SLC10A7: variants seen among roughly 807,000 people sequenced by gnomAD.
SLC10A7 encodes sodium/bile acid cotransporter 7.
A neutral mutation model predicts 43.2 loss-of-function variants in SLC10A7; 29 were observed. That is an observed-to-expected ratio of 0.67 (90% CI 0.50 to 0.92). The LOEUF is 0.92. SLC10A7 is among the 40% of genes least tolerant of loss of function. The probability of loss-of-function intolerance (pLI) is 0.00; values close to 1 mark genes in which losing one functional copy is unlikely to be tolerated. For synonymous variants in SLC10A7, 152 were observed against 144.8 expected (o/e 1.05, Z -0.35); for missense variants, 295 against 403.2 (o/e 0.73, Z 2.30).
At chr4:146,453,501 C>T (rs1422454677) in intron 4 of SLC10A7, among the ~76,000 whole-genome samples, 10 of 151,844 alleles carry the variant, frequency 6.6e-5, no homozygotes, top group African/African-American at 2.4e-4. Context: ...TATTGCACAA[C>T]GTTTATTTGA....
chr4:146,463,999 A>T (rs1314828410), intron 4 of SLC10A7, among the ~76,000 whole-genome samples: 6 of 151,216 alleles, frequency 4.0e-5, no homozygotes, highest in Admixed American at 2.0e-4. Context: ...ATTTTTTTTT[A>T]TACTTTTGAG....
intron 5 of SLC10A7, among the ~76,000 whole-genome samples, chr4:146,346,944 C>G (rs1383742184): frequency 1.3e-5 from 2 of 152,076 alleles, no homozygotes; most frequent in Non-Finnish European, 2.9e-5. Context: ...TAAAGGTGGC[C>G]TGGTCTCTAT....
intron 5 of SLC10A7, 113 bp from the exon 6 acceptor site, chr4:146,326,109 T>G: frequency 1.2e-6 from 1 of 818,508 alleles, no homozygotes; most frequent in Non-Finnish European, 1.9e-6. Context: ...TGCTGTTTAA[T>G]AAAATCTAGG....
At chr4:146,429,885 C>A in intron 5 of SLC10A7, among the ~76,000 whole-genome samples, 1 of 151,634 alleles carries the variant, frequency 6.6e-6, no homozygotes, top group East Asian at 1.9e-4. Context: ...AAAAAAAATC[C>A]ATAAAGGAAA....
intron 6 of SLC10A7, among the ~76,000 whole-genome samples, chr4:146,319,735 G>C (rs892396350): frequency 2.0e-5 from 3 of 152,060 alleles, no homozygotes; most frequent in Admixed American, 6.6e-5. Flanking sequence ...GGTAGGATAA[G>C]GTGAGGTTTA....
intron 3 of SLC10A7, among the ~76,000 whole-genome samples, chr4:146,506,926 A>G (rs1434474431): frequency 6.6e-6 from 1 of 152,166 alleles, no homozygotes; most frequent in Non-Finnish European, 1.5e-5. Context: ...TATTGTATTT[A>G]TATATTTGTT....
intron 4 of SLC10A7, among the ~76,000 whole-genome samples, chr4:146,464,422 C>T (rs1185429663): frequency 1.3e-5 from 2 of 151,922 alleles, no homozygotes; most frequent in Non-Finnish European, 2.9e-5. Flanking sequence ...TTCTATATTG[C>T]TCACTAGGAA....
chr4:146,399,383 C>G (rs1383102622), intron 5 of SLC10A7, among the ~76,000 whole-genome samples: 1 of 151,790 alleles, frequency 6.6e-6, no homozygotes, highest in Non-Finnish European at 1.5e-5. Flanking sequence ...GTTTTTAACA[C>G]CAAGAAAGAG....
intron 4 of SLC10A7, among the ~76,000 whole-genome samples, chr4:146,497,930 T>C (rs936949300): frequency 1.3e-5 from 2 of 151,690 alleles, no homozygotes; most frequent in Non-Finnish European, 2.9e-5. Flanking sequence ...AAAAAAAAAA[T>C]CAAAAAAATT....
chr4:146,387,044 C>T (rs1318759556), intron 5 of SLC10A7, among the ~76,000 whole-genome samples: 1 of 152,198 alleles, frequency 6.6e-6, no homozygotes, highest in African/African-American at 2.4e-5. Flanking sequence ...CTTTTAGCAA[C>T]TTTCTTTGTA....
chr4:146,254,650 T>C lies in SLC10A7; in HGVS notation c.*1841A>G, dbSNP rs1298651901. The C allele has an allele frequency of 6.6e-6, 1 of 152,148 alleles. No individual in the cohort carries two copies. The highest frequency in any genetic ancestry group is 1.9e-4 in the East Asian group (1 of 5,196). The allele number at this position is 152,148 out of a possible 1,614,324, so 9.4% of individuals were successfully genotyped here. On this transcript the variant is annotated 3_prime_UTR_variant, in exon 12 of 12. Transcript: ENST00000335472. The stretch of plus-strand genomic sequence containing the variant: ...GTGTTAGACAATAGAGGTAGATAAG[T>C]TGGGGGCGGGGATCAGTATTTTAAT...
intron 7 of SLC10A7, 98 bp downstream of exon 7, chr4:146,305,828 C>T (rs1040835172): frequency 1.2e-4 from 125 of 1,010,828 alleles, no homozygotes; most frequent in Non-Finnish European, 1.7e-4. Context: ...CATTTATCTC[C>T]TCCCTCTGAA....
chr4:146,309,177 T>C (rs1731788101), intron 6 of SLC10A7, among the ~76,000 whole-genome samples: 2 of 152,110 alleles, frequency 1.3e-5, no homozygotes, highest in Middle Eastern at 3.2e-3. Context: ...TTCCAACACA[T>C]CCTCCAAAAA....
intron 5 of SLC10A7, among the ~76,000 whole-genome samples, chr4:146,374,599 TAC>T (rs1449514108): frequency 7.0e-6 from 1 of 141,928 alleles, no homozygotes; most frequent in African/African-American, 2.7e-5. Flanking sequence ...AAAAAATATA[TAC>T]ATATATATAT....
chr4:146,442,942 CAA>C, intron 4 of SLC10A7, 121 bp from the exon 5 acceptor site: 1 of 706,298 alleles, frequency 1.4e-6, no homozygotes, highest in East Asian at 3.0e-5. Context: ...CTCTATAAAG[CAA>C]AGTTAGTCAC....
chr4:146,502,911 A>G (rs1736552278), intron 4 of SLC10A7, among the ~76,000 whole-genome samples: 1 of 151,662 alleles, frequency 6.6e-6, no homozygotes, highest in Non-Finnish European at 1.5e-5. Context: ...GACTCAGGAA[A>G]CTCTTTGAGG....
chr4:146,486,893 T>C (rs1317231259), intron 4 of SLC10A7, among the ~76,000 whole-genome samples: 1 of 152,198 alleles, frequency 6.6e-6, no homozygotes, highest in Non-Finnish European at 1.5e-5. Flanking sequence ...CAGTATTTGG[T>C]TATTCCATTT....
At chr4:146,506,591 T>A (rs1446977037) in intron 3 of SLC10A7, among the ~76,000 whole-genome samples, 1 of 152,112 alleles carries the variant, frequency 6.6e-6, no homozygotes, top group Non-Finnish European at 1.5e-5. Context: ...TAACCAGTAA[T>A]CCCCAAATCA....
At chr4:146,490,734 A>T (rs1735323265) in intron 4 of SLC10A7, among the ~76,000 whole-genome samples, 1 of 152,216 alleles carries the variant, frequency 6.6e-6, no homozygotes, top group Non-Finnish European at 1.5e-5. Flanking sequence ...AGGAAAAAAA[A>T]CATATGCCCA....
Sources: allele counts gnomAD v4.1 joint callset (sites outside exome capture counted in the v4.1 genomes callset), GRCh38; gene constraint gnomAD v4.1.1; transcripts MANE v1.5; gene names NCBI Gene and HGNC (gene_info 2026-07-23, HGNC 2026-07-21).